Variants in FREM1 observed in about 807,000 individuals in gnomAD.
FREM1 encodes the protein FRAS1 related extracellular matrix 1.
A neutral mutation model predicts 210.1 loss-of-function variants in FREM1; 220 were observed. The observed-to-expected ratio is 1.05, with a 90% CI of 0.94 to 1.17. FREM1 has a LOEUF of 1.17. Among genes scored for constraint, FREM1 ranks in the 50% most tolerant of loss-of-function variants. The probability of loss-of-function intolerance (pLI) is 0.00; values close to 1 mark genes in which losing one functional copy is unlikely to be tolerated. For missense variants in FREM1, 3,454 were observed against 2,675.5 expected (o/e 1.29, Z -6.42); for synonymous variants, 1,189 against 980.2 (o/e 1.21, Z -3.98).
chr9:14,808,029 G>T lies in FREM1; in HGVS notation c.2999C>A (p.Pro1000Gln), dbSNP rs568744038. 2 of 1,613,672 alleles carry T rather than the reference G, an allele frequency of 1.2e-6. No homozygotes were observed. Among genetic ancestry groups the T allele is most frequent in the East Asian group, 4.5e-5 (2 of 44,872 alleles). Residue 1000 changes from proline (P) to glutamine (Q), a missense_variant, in exon 17 of 37, where the codon CCA becomes CAA. Pro to Gln is a moderately conservative substitution (Grantham distance 76). Transcript: ENST00000380880. ...VNGCCYNGPN[P>Q]SVPLHASFPV... ...AAAGGACGCATGAAGTGGAACAGAT[G>T]GATTGGGTCCATTGTAGCAACAGCC...
At chr9:14,860,571 A>ATGTGTGTATATGTATATGTG (rs1564098947) in intron 3 of FREM1, among the ~76,000 whole-genome samples, 1 of 127,910 alleles carries the variant, frequency 7.8e-6, no homozygotes, top group African/African-American at 3.5e-5. Context: ...ATATATATAC[A>ATGTGTGTATATGTATATGTG]CATATATATA....
Position 14,789,084 on chromosome 9 carries a change from CA to C in FREM1, c.4011del (p.Gly1338AlafsTer2), listed in dbSNP as rs768709651. 36 of 1,600,790 alleles carry C rather than the reference CA, an allele frequency of 2.2e-5. No homozygotes were observed. The highest frequency in any genetic ancestry group is 2.9e-5 in the Non-Finnish European group (34 of 1,173,226). ...ACTTCCTCCTGAGTGCATTTCATGC[CA>C]GGGGAGAGAGGAACCCAGTCCCTCC... Reference protein sequence around the residue: ...KIGRDWVPLSPGMKCTQEEVD... With the variant: ...KIGRDWVPLSXGMKCTQEEVD... On this transcript the variant is annotated frameshift_variant, in exon 23 of 37. Transcript: ENST00000380880. LOFTEE classifies it high-confidence loss of function.
At chr9:14,737,664 T>G in intron 36 of FREM1, 69 bp from the exon 37 acceptor site, 172 of 1,169,170 alleles carry the variant, frequency 1.5e-4, no homozygotes, top group Middle Eastern at 2.1e-4. Context: ...TATCCAGCTG[T>G]TGCTCTAAGC....
chr9:14,775,645 T>C (rs1036859783), intron 25 of FREM1, 144 bp downstream of exon 25: 5 of 605,338 alleles, frequency 8.3e-6, no homozygotes, highest in East Asian at 5.6e-5. Flanking sequence ...GAGGTGGAGA[T>C]TGAAGTGAGC....
chr9:14,798,397 G>C (rs1852847135), intron 20 of FREM1, among the ~76,000 whole-genome samples: 1 of 152,098 alleles, frequency 6.6e-6, no homozygotes, highest in Non-Finnish European at 1.5e-5. Context: ...GATCGCTTGA[G>C]GCCAGGAGTT....
Position 14,851,526 on chromosome 9 carries a change from T to A in FREM1, c.910A>T (p.Ile304Phe), listed in dbSNP as rs767048746. 5.0e-6 allele frequency: 8 copies of A among 1,613,986 alleles called. No homozygotes were observed. The highest frequency in any genetic ancestry group is 6.8e-6 in the Non-Finnish European group (8 of 1,179,872). The stretch of plus-strand genomic sequence containing the variant: ...AGGATGAACTGATCCACTTCCAGAA[T>A]AAACACGGCCATGAATGCAGCCTTT... ...IPKAAFMAVFILEVDQFILTS... is the reference protein window; with the variant it reads ...IPKAAFMAVFFLEVDQFILTS... Residue 304 changes from isoleucine (I) to phenylalanine (F), a missense_variant, in exon 6 of 37, where the codon ATT becomes TTT. Transcript: ENST00000380880.
chr9:14,740,834 A>G (rs7047208), intron 35 of FREM1, among the ~76,000 whole-genome samples: 6,093 of 152,228 alleles, frequency 0.04, 318 homozygotes, highest in African/African-American at 0.12. Flanking sequence ...TTTTCACAAA[A>G]CAGAATTTTT....
intron 5 of FREM1, among the ~76,000 whole-genome samples, chr9:14,856,391 A>G (rs1414491652): frequency 6.6e-6 from 1 of 152,184 alleles, no homozygotes; most frequent in Non-Finnish European, 1.5e-5. Flanking sequence ...GTTTTTTTCC[A>G]GATCTTAATT....
intron 1 of FREM1, among the ~76,000 whole-genome samples, chr9:14,874,348 C>T (rs549394228): frequency 4.0e-5 from 6 of 150,978 alleles, no homozygotes; most frequent in East Asian, 1.9e-4. Context: ...AATCTGGGTG[C>T]TCCTGTATTG....
chr9:14,806,826 C>T lies in FREM1; in HGVS notation c.3109G>A (p.Glu1037Lys). ...IAIGPVFVVD[E>K]GCSTALTVNH... Reference sequence around the variant, plus strand: ...ACAGTAAGGGCTGTTGAGCAGCCCTCATCTACAACAAACACGGGACCTGCA... The same window carrying T: ...ACAGTAAGGGCTGTTGAGCAGCCCTTATCTACAACAAACACGGGACCTGCA... Residue 1037 changes from glutamate to lysine, a missense_variant, in exon 18 of 37, where the codon GAG becomes AAG. Physicochemically the swap from Glu to Lys is moderately conservative, Grantham distance 56. Coordinates refer to ENST00000380880, the MANE Select transcript of FREM1 (RefSeq NM_001379081.2). 1 of 1,600,650 alleles carries T rather than the reference C, an allele frequency of 6.2e-7. No individual in the cohort carries two copies. The highest frequency in any genetic ancestry group is 8.5e-7 in the Non-Finnish European group (1 of 1,171,926).
chr9:14,882,393 G>T (rs184087042), intron 1 of FREM1, among the ~76,000 whole-genome samples: 2 of 151,896 alleles, frequency 1.3e-5, no homozygotes, highest in African/African-American at 4.8e-5. Context: ...CAATGCTGTT[G>T]AAAGAATAGA....
Position 14,825,547 on chromosome 9 carries a change from G to GTGTGTATATATATATATATATA in FREM1, c.1882-556_1882-555insTATATATATATATATATACACA. ...CATATATATATATATGTGTGTGTGT[G>GTGTGTATATATATATATATATA]TATATATATATATATATATATATAC... On this transcript the variant is annotated intron_variant, in intron 10 of 36. Coordinates refer to ENST00000380880, the MANE Select transcript of FREM1 (RefSeq NM_001379081.2). 2.4e-4 allele frequency among the ~76,000 whole-genome samples: 18 copies of GTGTGTATATATATATATATATA among 75,882 alleles called. No individual in the cohort carries two copies. In the South Asian group the frequency reaches 2.9e-3, roughly 12 times the overall value. The allele number at this position is 75,882 out of a possible 152,430, so 49.8% of individuals were successfully genotyped here. A position where few individuals can be genotyped will look rare whatever the true frequency, so the allele number is the denominator to read the frequency against.
At chr9:14,843,234 C>G (rs917422148) in intron 8 of FREM1, among the ~76,000 whole-genome samples, 8 of 152,204 alleles carry the variant, frequency 5.3e-5, no homozygotes, top group Non-Finnish European at 1.2e-4. Context: ...GGAACATAAA[C>G]CAGCCATCCT....
chr9:14,737,512 AG>A lies in FREM1; in HGVS notation c.6423del (p.Ser2142LeufsTer70). On this transcript the variant is annotated frameshift_variant, in exon 37 of 37. Transcript: ENST00000380880. LOFTEE classifies it high-confidence loss of function. ...PVAFTNGRRG[P>X]SQRSKLGKSC... ...CTCTTTCCAAGCTTGGAGCGTTGAGAGGGCCCTCTTCTCCCATTGGTGAAGG... is the reference window on the plus strand; with the variant it reads ...CTCTTTCCAAGCTTGGAGCGTTGAGAGGCCCTCTTCTCCCATTGGTGAAGG... 4 of 1,612,976 alleles carry A rather than the reference AG, an allele frequency of 2.5e-6. No homozygotes were observed. Among genetic ancestry groups the A allele is most frequent in the Non-Finnish European group, 3.4e-6 (4 of 1,179,388 alleles).
intron 21 of FREM1, among the ~76,000 whole-genome samples, chr9:14,795,926 G>T (rs1302731127): frequency 6.6e-6 from 1 of 152,042 alleles, no homozygotes; most frequent in Non-Finnish European, 1.5e-5. Context: ...CTTAAAATGA[G>T]ATCATCAAAA....
At chr9:14,889,765 T>A (rs1055704419) in intron 1 of FREM1, among the ~76,000 whole-genome samples, 3 of 152,186 alleles carry the variant, frequency 2.0e-5, no homozygotes, top group African/African-American at 7.2e-5. Flanking sequence ...GTCCGGGGCC[T>A]TGTAAATTAG....
intron 15 of FREM1, among the ~76,000 whole-genome samples, chr9:14,816,134 T>C (rs755338806): frequency 3.9e-5 from 6 of 152,176 alleles, no homozygotes; most frequent in African/African-American, 1.4e-4. Context: ...TAAACAAATA[T>C]TTCTGAGTTT....
chr9:14,814,530 G>C (rs1350140023), intron 15 of FREM1, among the ~76,000 whole-genome samples: 1 of 152,124 alleles, frequency 6.6e-6, no homozygotes, highest in Non-Finnish European at 1.5e-5. Context: ...GGTAACAAAA[G>C]CTCCAGGCTA....
intron 10 of FREM1, among the ~76,000 whole-genome samples, chr9:14,834,154 A>G (rs12551309): frequency 0.2 from 30,413 of 152,184 alleles, 3,252 homozygotes; most frequent in Admixed American, 0.27. Flanking sequence ...TAGTAGTTAT[A>G]AATCAGAGAA....
Sources: gnomAD v4.1 joint callset for allele counts (sites outside exome capture counted in the v4.1 genomes callset) on GRCh38, gnomAD v4.1.1 for gene constraint, MANE v1.5 for transcripts, NCBI Gene and HGNC (gene_info 2026-07-23, HGNC 2026-07-21) for gene names.